Variants in OSBPL10 observed in about 807,000 individuals in gnomAD.
OSBPL10 encodes the protein oxysterol-binding protein-related protein 10.
A neutral mutation model predicts 81.7 loss-of-function variants in OSBPL10; 49 were observed. The ratio of observed to expected loss-of-function variants is 0.60; its 90% confidence interval spans 0.48 to 0.76. OSBPL10 has a LOEUF of 0.76. Among genes scored for constraint, OSBPL10 ranks in the 30% least tolerant of loss-of-function variants. The pLI is 0.00. For synonymous variants in OSBPL10, 419 were observed against 383.6 expected (o/e 1.09, Z -1.08); for missense variants, 923 against 987.8 (o/e 0.93, Z 0.88).
intron 4 of OSBPL10, among the ~76,000 whole-genome samples, chr3:31,828,676 T>C (rs1276247903): frequency 6.6e-6 from 1 of 152,142 alleles, no homozygotes; most frequent in Non-Finnish European, 1.5e-5. Flanking sequence ...GGGACTACAG[T>C]CACGCGCCAC....
At chr3:31,873,504 C>A (rs1440380700) in intron 3 of OSBPL10, among the ~76,000 whole-genome samples, 1 of 152,166 alleles carries the variant, frequency 6.6e-6, no homozygotes, top group Admixed American at 6.5e-5. Context: ...TCTGGCTATC[C>A]TGTAGTTCTT....
intron 7 of OSBPL10, among the ~76,000 whole-genome samples, chr3:31,686,653 G>T (rs1204204924): frequency 6.6e-6 from 1 of 152,230 alleles, no homozygotes; most frequent in South Asian, 2.1e-4. Context: ...AATCAATGGA[G>T]GTTTCCTAAT....
At chr3:31,756,073 C>T (rs989405876) in intron 4 of OSBPL10, among the ~76,000 whole-genome samples, 1 of 152,206 alleles carries the variant, frequency 6.6e-6, no homozygotes, top group Non-Finnish European at 1.5e-5. Context: ...CACAACTTAT[C>T]GTACGGGTCT....
At chr3:31,747,207 A>G (rs545166465) in intron 5 of OSBPL10, among the ~76,000 whole-genome samples, 52 of 151,768 alleles carry the variant, frequency 3.4e-4, no homozygotes, top group African/African-American at 1.2e-3. Flanking sequence ...GGAGGGCGCT[A>G]TTTGGGAGGC....
intron 4 of OSBPL10, among the ~76,000 whole-genome samples, chr3:31,748,769 A>C (rs1193353533): frequency 6.6e-6 from 1 of 152,154 alleles, no homozygotes; most frequent in Non-Finnish European, 1.5e-5. Context: ...GCAAATAATC[A>C]TATCTTGTGG....
chr3:31,993,762 T>G (rs940958117), intron 2 of OSBPL10, among the ~76,000 whole-genome samples: 2 of 152,104 alleles, frequency 1.3e-5, no homozygotes, highest in Non-Finnish European at 2.9e-5. Flanking sequence ...CTCTTACACA[T>G]TGCTGGTGAG....
At chr3:31,939,269 C>T (rs1330543955) in intron 1 of OSBPL10, among the ~76,000 whole-genome samples, 5 of 151,302 alleles carry the variant, frequency 3.3e-5, no homozygotes, top group African/African-American at 7.3e-5. Flanking sequence ...CTCAGCCTCC[C>T]GAGTAGCTGG....
chr3:31,860,820 C>A (rs1160515405), intron 3 of OSBPL10, among the ~76,000 whole-genome samples: 1 of 151,634 alleles, frequency 6.6e-6, no homozygotes, highest in African/African-American at 2.4e-5. Context: ...CAGGTGCCCA[C>A]CACCATGCCT....
chr3:32,046,920 C>T (rs1699627289), intron 1 of OSBPL10, among the ~76,000 whole-genome samples: 1 of 152,176 alleles, frequency 6.6e-6, no homozygotes, highest in South Asian at 2.1e-4. Context: ...AAAAGGGTCC[C>T]AATCGAGACT....
intron 1 of OSBPL10, among the ~76,000 whole-genome samples, chr3:32,060,367 T>C (rs1277915042): frequency 6.6e-6 from 1 of 152,194 alleles, no homozygotes; most frequent in Non-Finnish European, 1.5e-5. Flanking sequence ...CTCATCCATC[T>C]TTCTCTGTCT....
intron 2 of OSBPL10, among the ~76,000 whole-genome samples, chr3:32,028,929 C>CACAT (rs1699441604): frequency 2.2e-5 from 1 of 46,030 alleles, no homozygotes; most frequent in African/African-American, 9.0e-5. Flanking sequence ...CTAGTCAGGA[C>CACAT]ACACACACAC....
At chr3:31,849,329 A>T (rs1358896256) in intron 3 of OSBPL10, among the ~76,000 whole-genome samples, 1 of 152,226 alleles carries the variant, frequency 6.6e-6, no homozygotes, top group Non-Finnish European at 1.5e-5. Flanking sequence ...AGTATGGGCA[A>T]TTTGAGGATA....
intron 2 of OSBPL10, among the ~76,000 whole-genome samples, chr3:32,019,914 T>G (rs1456378678): frequency 6.6e-6 from 1 of 152,206 alleles, no homozygotes; most frequent in African/African-American, 2.4e-5. Context: ...ACTATTGTGG[T>G]GAGGGTGCTG....
At chr3:32,069,606 T>C (rs191609914) in intron 1 of OSBPL10, among the ~76,000 whole-genome samples, 1 of 152,306 alleles carries the variant, frequency 6.6e-6, no homozygotes, top group African/African-American at 2.4e-5. Context: ...ACATGCATTT[T>C]ATCACCCAGT....
intron 4 of OSBPL10, among the ~76,000 whole-genome samples, chr3:31,802,804 C>T (rs1699418293): frequency 6.6e-6 from 1 of 151,958 alleles, no homozygotes; most frequent in African/African-American, 2.4e-5. Context: ...TTCCTCTTTT[C>T]CCACTACTTG....
chr3:31,948,377 C>G (rs901117135), intron 1 of OSBPL10, among the ~76,000 whole-genome samples: 8 of 152,108 alleles, frequency 5.3e-5, no homozygotes, highest in African/African-American at 1.9e-4. Flanking sequence ...TCTGAAAAGC[C>G]TTGAGCATGG....
At chr3:32,043,141 G>A (rs568947380) in intron 2 of OSBPL10, among the ~76,000 whole-genome samples, 1 of 152,122 alleles carries the variant, frequency 6.6e-6, no homozygotes, top group African/African-American at 2.4e-5. Flanking sequence ...GACACTCCCA[G>A]AGCAGCTGTT....
At chr3:32,057,472 C>T (rs950955159) in intron 1 of OSBPL10, among the ~76,000 whole-genome samples, 6 of 152,184 alleles carry the variant, frequency 3.9e-5, no homozygotes, top group African/African-American at 1.2e-4. Flanking sequence ...AATTGACTCA[C>T]AGTTCAGCGT....
intron 7 of OSBPL10, among the ~76,000 whole-genome samples, chr3:31,691,468 C>G (rs1256796084): frequency 2.0e-5 from 3 of 152,208 alleles, no homozygotes; most frequent in East Asian, 1.9e-4. Context: ...ACCCATGATC[C>G]CAGCATTTTG....
Sources: gnomAD v4.1 joint callset for allele counts (sites outside exome capture counted in the v4.1 genomes callset) on GRCh38, gnomAD v4.1.1 for gene constraint, MANE v1.5 for transcripts, NCBI Gene and HGNC (gene_info 2026-07-23, HGNC 2026-07-21) for gene names.